ANKIB1: variants seen among roughly 807,000 people sequenced by gnomAD.
The protein encoded by ANKIB1 is ankyrin repeat and IBR domain containing 1.
In ANKIB1, 43 loss-of-function variants were observed where a neutral mutation model predicts 122.1. The ratio of observed to expected loss-of-function variants is 0.35; its 90% confidence interval spans 0.28 to 0.45. ANKIB1 has a LOEUF of 0.45. ANKIB1 is among the 20% of genes least tolerant of loss of function. The pLI is 1.00. For missense variants in ANKIB1, 992 were observed against 1,329.5 expected, an observed-to-expected ratio of 0.75 and a Z score of 3.95; for synonymous variants, 390 against 442.0, an observed-to-expected ratio of 0.88 and a Z score of 1.48.
intron 3 of ANKIB1, among the ~76,000 whole-genome samples, chr7:92,309,381 G>A (rs1462112695): frequency 6.6e-6 from 1 of 152,150 alleles, no homozygotes; most frequent in Non-Finnish European, 1.5e-5. Flanking sequence ...ATGCCACCAA[G>A]CCTGGCTCCA....
rs557089823 is a variant in ANKIB1, at chr7:92,272,182, T to C, written c.-90-22707T>C. ...GATTAAAATGGTAAATTTTGTGTTA[T>C]GTATATTTTACCTCAATTAAAAAAA... On this transcript the variant is annotated intron_variant, in intron 1 of 19. Coordinates refer to ENST00000265742, the MANE Select transcript of ANKIB1 (RefSeq NM_019004.2). Among the ~76,000 whole-genome samples, 28 of 152,286 alleles carry C rather than the reference T, an allele frequency of 1.8e-4. No individual in the cohort carries two copies. The East Asian group carries it at 4.6e-3, about 25-fold the overall frequency.
chr7:92,338,229 G>C (rs1455860100), intron 5 of ANKIB1, among the ~76,000 whole-genome samples: 1 of 151,328 alleles, frequency 6.6e-6, no homozygotes, highest in African/African-American at 2.4e-5. Context: ...GGGCAACATA[G>C]TGAGACCTTG....
chr7:92,284,431 G>A (rs934726582), intron 1 of ANKIB1, among the ~76,000 whole-genome samples: 44 of 152,124 alleles, frequency 2.9e-4, no homozygotes, highest in African/African-American at 9.9e-4. Context: ...CATTTTCTGA[G>A]TGAACTACAC....
chr7:92,307,737 TG>T (rs1396957709), intron 3 of ANKIB1, 81 bp downstream of exon 3: 3 of 1,147,214 alleles, frequency 2.6e-6, no homozygotes, highest in African/African-American at 1.6e-5. Context: ...TTTTTTTTTT[TG>T]ATTGTCTTAG....
chr7:92,376,777 G>A (rs1804392099), intron 11 of ANKIB1, among the ~76,000 whole-genome samples: 1 of 151,936 alleles, frequency 6.6e-6, no homozygotes, highest in Non-Finnish European at 1.5e-5. Context: ...TATGAAGATG[G>A]CATCTTTCCT....
intron 4 of ANKIB1, among the ~76,000 whole-genome samples, chr7:92,320,624 A>G (rs1339653087): frequency 6.6e-6 from 1 of 152,050 alleles, no homozygotes; most frequent in African/African-American, 2.4e-5. Flanking sequence ...AATCCTGTCA[A>G]TTTTACCTCC....
At chr7:92,275,474 A>G (rs1585083200) in intron 1 of ANKIB1, among the ~76,000 whole-genome samples, 1 of 152,310 alleles carries the variant, frequency 6.6e-6, no homozygotes, top group Non-Finnish European at 1.5e-5. Flanking sequence ...AATTGTAACA[A>G]TGTCTGGAAA....
chr7:92,356,489 A>G (rs1180331875), intron 9 of ANKIB1, among the ~76,000 whole-genome samples: 1 of 152,238 alleles, frequency 6.6e-6, no homozygotes, highest in African/African-American at 2.4e-5. Flanking sequence ...TTATTTAAAT[A>G]TCATGTGTAC....
At chr7:92,254,587 G>A (rs901977494) in intron 1 of ANKIB1, among the ~76,000 whole-genome samples, 19 of 152,176 alleles carry the variant, frequency 1.2e-4, no homozygotes, top group African/African-American at 4.1e-4. Flanking sequence ...TACTTATGAG[G>A]CTAGCCATCT....
intron 1 of ANKIB1, among the ~76,000 whole-genome samples, chr7:92,278,538 T>C (rs1486242647): frequency 6.6e-6 from 1 of 152,224 alleles, no homozygotes; most frequent in Middle Eastern, 3.2e-3. Flanking sequence ...GTGTCCCATT[T>C]AACAATCTTA....
chr7:92,325,032 G>A (rs762663285), intron 4 of ANKIB1, among the ~76,000 whole-genome samples: 3 of 152,208 alleles, frequency 2.0e-5, no homozygotes, highest in Non-Finnish European at 4.4e-5. Context: ...AGGTATTTAT[G>A]TGATGGCTAG....
In ANKIB1 at chr7:92,365,320, A is replaced by G. The variant is rs370952532; in HGVS notation, c.1486+3047A>G. Among the ~76,000 whole-genome samples the G allele has an allele frequency of 2.6e-5, 4 of 152,336 alleles. 1 individual carries two copies. ...GGGTTAGGAAACACTTTATAAAAGA[A>G]TTGATGCTCAAGCTGCATGTTGAAA... is the stretch of plus-strand genomic sequence containing the variant. On this transcript the variant is annotated intron_variant, in intron 10 of 19. Transcript: ENST00000265742.
chr7:92,387,854 A>G lies in ANKIB1; in HGVS notation c.1809A>G (p.Thr603=). 1 of 1,612,794 alleles carries G rather than the reference A, an allele frequency of 6.2e-7. No individual in the cohort carries two copies. Among genetic ancestry groups the G allele is most frequent in the Non-Finnish European group, 8.5e-7 (1 of 1,179,468 alleles). ...QELDRFMHYY[T]RFKNHEHSYQ... is the part of the protein sequence containing the mutation. ...TTGACAGATTTATGCACTATTATAC[A>G]AGATTTAAAAACCATGAGCATAGTT... Residue 603 remains threonine, a synonymous_variant, in exon 13 of 20, where the codon ACA becomes ACG. Coordinates refer to ENST00000265742, the MANE Select transcript of ANKIB1 (RefSeq NM_019004.2).
chr7:92,266,329 A>T (rs2131887169), intron 1 of ANKIB1, among the ~76,000 whole-genome samples: 1 of 152,320 alleles, frequency 6.6e-6, no homozygotes, highest in Admixed American at 6.5e-5. Context: ...ATAAAGAATT[A>T]TTTACTATAA....
At chr7:92,315,725 G>A (rs1259240022) in intron 3 of ANKIB1, among the ~76,000 whole-genome samples, 1 of 152,078 alleles carries the variant, frequency 6.6e-6, no homozygotes, top group Non-Finnish European at 1.5e-5. Flanking sequence ...AGAGTTAGGA[G>A]GTATTAATGA....
chr7:92,374,807 C>T (rs1457678555), intron 11 of ANKIB1, among the ~76,000 whole-genome samples: 1 of 149,082 alleles, frequency 6.7e-6, no homozygotes, highest in African/African-American at 2.5e-5. Flanking sequence ...GAAAACGCGA[C>T]TAATAAATAA....
intron 1 of ANKIB1, among the ~76,000 whole-genome samples, chr7:92,278,460 C>G (rs764757145): frequency 2.0e-5 from 3 of 152,060 alleles, no homozygotes; most frequent in Non-Finnish European, 4.4e-5. Flanking sequence ...AAAAACAGTT[C>G]TGAAAAACAA....
intron 1 of ANKIB1, among the ~76,000 whole-genome samples, chr7:92,257,259 T>C (rs1801468075): frequency 1.3e-5 from 2 of 152,110 alleles, no homozygotes; most frequent in African/African-American, 2.4e-5. Context: ...GAAGTCGTTA[T>C]GAACAGTCTT....
chr7:92,278,434 A>T (rs1015836069), intron 1 of ANKIB1, among the ~76,000 whole-genome samples: 3 of 152,210 alleles, frequency 2.0e-5, no homozygotes, highest in African/African-American at 7.2e-5. Context: ...TCCTTCAGGA[A>T]GAGAGGAACC....
Sources: gnomAD v4.1 joint callset for allele counts (sites outside exome capture counted in the v4.1 genomes callset) on GRCh38, gnomAD v4.1.1 for gene constraint, MANE v1.5 for transcripts, NCBI Gene and HGNC (gene_info 2026-07-23, HGNC 2026-07-21) for gene names.